Variants in ITPR2 observed in about 807,000 individuals in gnomAD.
ITPR2 encodes the protein inositol 1,4,5-trisphosphate-gated calcium channel ITPR2.
A neutral mutation model predicts 317.1 loss-of-function variants in ITPR2; 207 were observed. The observed-to-expected ratio is 0.65, with a 90% confidence interval of 0.58 to 0.73. ITPR2 has a LOEUF of 0.73. Among genes scored for constraint, ITPR2 ranks in the 30% least tolerant of loss-of-function variants. The pLI is 0.00. For missense variants in ITPR2, 2,613 were observed against 3,284.0 expected, an observed-to-expected ratio of 0.80 and a Z score of 4.99; for synonymous variants, 1,156 against 1,149.1, an observed-to-expected ratio of 1.01 and a Z score of -0.12.
At chr12:26,548,816 G>A (rs1275402082) in intron 37 of ITPR2, among the ~76,000 whole-genome samples, 1 of 152,208 alleles carries the variant, frequency 6.6e-6, no homozygotes, top group African/African-American at 2.4e-5. Context: ...AGTGATAGCA[G>A]TGGGAATGGA....
At chr12:26,581,854 A>G (rs918284158) in intron 32 of ITPR2, among the ~76,000 whole-genome samples, 16 of 152,194 alleles carry the variant, frequency 1.1e-4, no homozygotes, top group Non-Finnish European at 2.4e-4. Flanking sequence ...ATTCCATCAT[A>G]ACCAAAACAA....
At chr12:26,795,232 A>G (rs1285554019) in intron 1 of ITPR2, among the ~76,000 whole-genome samples, 4 of 152,232 alleles carry the variant, frequency 2.6e-5, no homozygotes, top group South Asian at 2.1e-4. Flanking sequence ...CTATTTGGGG[A>G]AAAATGACAT....
intron 52 of ITPR2, among the ~76,000 whole-genome samples, chr12:26,408,712 C>T (rs1314444720): frequency 6.6e-6 from 1 of 152,076 alleles, no homozygotes; most frequent in Non-Finnish European, 1.5e-5. Context: ...TGCTGGTTCA[C>T]TAGCAAAGCA....
At chr12:26,466,875 G>A (rs1942181968) in intron 45 of ITPR2, among the ~76,000 whole-genome samples, 1 of 152,152 alleles carries the variant, frequency 6.6e-6, no homozygotes, top group South Asian at 2.1e-4. Context: ...GAAAAACCCA[G>A]CTGTGTTTTC....
At chr12:26,537,023 A>G (rs925016158) in intron 37 of ITPR2, among the ~76,000 whole-genome samples, 48 of 152,208 alleles carry the variant, frequency 3.2e-4, no homozygotes, top group African/African-American at 1.1e-3. Context: ...AAGTGGGCTG[A>G]CCTTGGGGGC....
chr12:26,608,218 A>T (rs1946182583), intron 26 of ITPR2, among the ~76,000 whole-genome samples: 1 of 152,242 alleles, frequency 6.6e-6, no homozygotes, highest in South Asian at 2.1e-4. Context: ...GTTCTAGTAC[A>T]AAACCCAAAT....
chr12:26,754,747 T>A (rs1949490096), intron 2 of ITPR2, among the ~76,000 whole-genome samples: 1 of 152,210 alleles, frequency 6.6e-6, no homozygotes, highest in South Asian at 2.1e-4. Flanking sequence ...GTTAAAGGGG[T>A]ATTATTCAGT....
chr12:26,472,476 T>C (rs1393527314), intron 45 of ITPR2, among the ~76,000 whole-genome samples: 3 of 151,998 alleles, frequency 2.0e-5, no homozygotes, highest in African/African-American at 7.3e-5. Flanking sequence ...TCCAACATTT[T>C]GCTTCTGGGA....
At position 26,657,748 on chromosome 12, in the gene ITPR2, T is replaced by C. The variant is rs1375220143; in HGVS notation, c.2151A>G (p.Lys717=). Residue 717 remains lysine, a synonymous_variant, in exon 18 of 57, where the codon AAA becomes AAG. Transcript: ENST00000381340. ...CTTCTAAGTCAGCTTTGGTGCCTTCTTTTGCCTCTTGAGCAAGGTGCCTGA... is the reference window on the plus strand; with the variant it reads ...CTTCTAAGTCAGCTTTGGTGCCTTCCTTTGCCTCTTGAGCAAGGTGCCTGA... ...KAIRHLAQEA[K]EGTKADLEVL... is the part of the protein sequence containing the mutation. 1 of 1,614,156 alleles carries C rather than the reference T, an allele frequency of 6.2e-7. No homozygotes were observed. Among genetic ancestry groups the C allele is most frequent in the Non-Finnish European group, 8.5e-7 (1 of 1,180,024 alleles).
intron 45 of ITPR2, among the ~76,000 whole-genome samples, chr12:26,445,132 T>C (rs898520760): frequency 1.3e-5 from 2 of 152,174 alleles, no homozygotes; most frequent in African/African-American, 4.8e-5. Context: ...TGACTGGATC[T>C]GGGGCATGAA....
At chr12:26,350,148 A>G (rs1362379939) in intron 55 of ITPR2, among the ~76,000 whole-genome samples, 1 of 152,092 alleles carries the variant, frequency 6.6e-6, no homozygotes, top group Non-Finnish European at 1.5e-5. Flanking sequence ...CCCTATCCCT[A>G]CTGGCTTCCT....
chr12:26,582,775 C>T (rs867848754), intron 32 of ITPR2, among the ~76,000 whole-genome samples: 1 of 152,154 alleles, frequency 6.6e-6, no homozygotes, highest in Admixed American at 6.5e-5. Context: ...AATAAATTTA[C>T]AATACTATCA....
At chr12:26,635,079 C>T (rs1052623473) in intron 21 of ITPR2, among the ~76,000 whole-genome samples, 1 of 152,134 alleles carries the variant, frequency 6.6e-6, no homozygotes, top group Non-Finnish European at 1.5e-5. Context: ...GAATACATTG[C>T]TTTGTTCTTT....
chr12:26,463,216 C>CA (rs1391125875), intron 45 of ITPR2, among the ~76,000 whole-genome samples: 2 of 152,136 alleles, frequency 1.3e-5, no homozygotes, highest in African/African-American at 2.4e-5. Context: ...AGTAACAGTA[C>CA]AATCATTAAA....
At chr12:26,502,354 G>T (rs541863754) in intron 37 of ITPR2, among the ~76,000 whole-genome samples, 2 of 151,990 alleles carry the variant, frequency 1.3e-5, no homozygotes, top group African/African-American at 4.8e-5. Flanking sequence ...TGAGAGGAGG[G>T]TAAGTAAGCA....
intron 4 of ITPR2, among the ~76,000 whole-genome samples, chr12:26,722,894 C>G (rs1948860602): frequency 6.6e-6 from 1 of 152,142 alleles, no homozygotes; most frequent in Non-Finnish European, 1.5e-5. Flanking sequence ...CATCCTTTCT[C>G]AATGCCTGCA....
Position 26,833,122 on chromosome 12 carries a change from T to A in ITPR2, c.-341A>T, listed in dbSNP as rs1951147116. The A allele has an allele frequency of 9.2e-5, 24 of 260,002 alleles. No individual in the cohort carries two copies. The South Asian group carries it at 1.1e-3, about 12-fold the overall frequency. 16.1% of individuals were successfully genotyped at this position (260,002 alleles called of 1,614,324 possible). On this transcript the variant is annotated 5_prime_UTR_variant, in exon 1 of 57. Transcript: ENST00000381340. ...TGCTCCTCCTCCTCCTCCTTCCCTCTCCGCTCCCCACTCCGTGTCCACTCC... is the reference window on the plus strand; with the variant it reads ...TGCTCCTCCTCCTCCTCCTTCCCTCACCGCTCCCCACTCCGTGTCCACTCC...
At chr12:26,461,832 C>G (rs962325270) in intron 45 of ITPR2, among the ~76,000 whole-genome samples, 2 of 151,554 alleles carry the variant, frequency 1.3e-5, no homozygotes, top group Admixed American at 1.3e-4. Context: ...TAAATCCTGA[C>G]AAGGGACTTT....
intron 55 of ITPR2, among the ~76,000 whole-genome samples, chr12:26,370,656 TTTG>T (rs139314698): frequency 0.2 from 30,663 of 151,810 alleles, 3,812 homozygotes; most frequent in East Asian, 0.47. Context: ...CGAATTTATT[TTTG>T]TTGTTGTTGT....
Sources: allele counts gnomAD v4.1 joint callset (sites outside exome capture counted in the v4.1 genomes callset), GRCh38; gene constraint gnomAD v4.1.1; transcripts MANE v1.5; gene names NCBI Gene and HGNC (gene_info 2026-07-23, HGNC 2026-07-21).